Variants in XRCC4 observed in about 807,000 individuals in gnomAD.
XRCC4 encodes X-ray repair cross complementing 4.
A neutral mutation model predicts 39.1 loss-of-function variants in XRCC4; 28 were observed. That is an observed-to-expected ratio of 0.72 (90% confidence interval 0.53 to 0.98). XRCC4 has a LOEUF of 0.98. XRCC4 is among the 50% of genes least tolerant of loss of function. The pLI, the probability that XRCC4 is intolerant of heterozygous loss-of-function variation, is 0.00. For missense variants in XRCC4, 350 were observed against 376.4 expected, an observed-to-expected ratio of 0.93 and a Z score of 0.58; for synonymous variants, 123 against 126.4, an observed-to-expected ratio of 0.97 and a Z score of 0.18.
At chr5:83,322,642 A>G (rs936003372) in intron 7 of XRCC4, among the ~76,000 whole-genome samples, 1 of 152,204 alleles carries the variant, frequency 6.6e-6, no homozygotes, top group African/African-American at 2.4e-5. Context: ...AAATACAATT[A>G]CATAGATCTT....
In XRCC4 at chr5:83,349,779, T is replaced by C. The variant is rs754090547; in HGVS notation, c.894-3352T>C. Among the ~76,000 whole-genome samples the C allele has an allele frequency of 4.6e-5, 7 of 152,222 alleles. No individual in the cohort carries two copies. The East Asian group carries it at 1.3e-3, about 29-fold the overall frequency. Reference sequence around the variant, plus strand: ...TTTTAAATATGATTTCAGCTTTTATTTTAGATACAGGGGGTACATGTGCGG... The same window carrying C: ...TTTTAAATATGATTTCAGCTTTTATCTTAGATACAGGGGGTACATGTGCGG... On this transcript the variant is annotated intron_variant, in intron 7 of 7. Transcript: ENST00000396027.
chr5:83,115,046 A>G (rs539737795), intron 3 of XRCC4, among the ~76,000 whole-genome samples: 6 of 152,106 alleles, frequency 3.9e-5, no homozygotes, highest in Non-Finnish European at 8.8e-5. Flanking sequence ...CATGAGACTT[A>G]TTCACTTTCA....
chr5:83,141,947 A>G (rs1031594194), intron 3 of XRCC4, among the ~76,000 whole-genome samples: 1 of 152,094 alleles, frequency 6.6e-6, no homozygotes, highest in Non-Finnish European at 1.5e-5. Flanking sequence ...TATTCTCTCT[A>G]TATCTTTTAC....
At chr5:83,293,224 T>C (rs1003295151) in intron 7 of XRCC4, among the ~76,000 whole-genome samples, 3 of 151,934 alleles carry the variant, frequency 2.0e-5, no homozygotes, top group Non-Finnish European at 2.9e-5. Context: ...ATTTCTCTTA[T>C]GTATCACCAT....
intron 7 of XRCC4, among the ~76,000 whole-genome samples, chr5:83,339,413 G>A (rs1756688657): frequency 6.6e-6 from 1 of 151,486 alleles, no homozygotes; most frequent in Non-Finnish European, 1.5e-5. Context: ...TCATAAGTGG[G>A]AGTTGAACAA....
rs537866289 is a variant in XRCC4, at chr5:83,348,291, T to A, written c.894-4840T>A. 4.5e-4 allele frequency among the ~76,000 whole-genome samples: 68 copies of A among 152,292 alleles called. 1 individual carries two copies. Among genetic ancestry groups the A allele is most frequent in the Admixed American group, 2.8e-3 (43 of 15,292 alleles). Reference sequence around the variant, plus strand: ...TCTATCCACACTGCCCTAGTAGAGGTTCTCCAAGAGGACTCTACCCCTGCA... The same window carrying A: ...TCTATCCACACTGCCCTAGTAGAGGATCTCCAAGAGGACTCTACCCCTGCA... On this transcript the variant is annotated intron_variant, in intron 7 of 7. Coordinates refer to ENST00000396027, the MANE Select transcript of XRCC4 (RefSeq NM_003401.5).
chr5:83,282,610 A>G (rs35272), intron 7 of XRCC4, among the ~76,000 whole-genome samples: 65,814 of 151,748 alleles, frequency 0.43, 17,130 homozygotes, highest in East Asian at 0.87. Flanking sequence ...TTGGGAGGCC[A>G]AGGCAGGTGG....
chr5:83,158,826 A>C (rs1749077697), intron 3 of XRCC4, among the ~76,000 whole-genome samples: 1 of 152,158 alleles, frequency 6.6e-6, no homozygotes, highest in African/African-American at 2.4e-5. Context: ...TATAAAAAAC[A>C]TTGAAAAAAA....
intron 6 of XRCC4, among the ~76,000 whole-genome samples, chr5:83,236,446 G>T (rs1014367639): frequency 1.3e-5 from 2 of 151,946 alleles, no homozygotes; most frequent in African/African-American, 4.8e-5. Flanking sequence ...GTTTGAAAAG[G>T]TCACCAAGAA....
chr5:83,122,656 T>C (rs771730900), intron 3 of XRCC4, among the ~76,000 whole-genome samples: 13 of 152,292 alleles, frequency 8.5e-5, no homozygotes, highest in Admixed American at 5.2e-4. Context: ...TTTCCTTTTT[T>C]CTGATATACA....
chr5:83,198,701 G>A (rs1475389528), intron 4 of XRCC4, among the ~76,000 whole-genome samples: 1 of 152,140 alleles, frequency 6.6e-6, no homozygotes, highest in Non-Finnish European at 1.5e-5. Context: ...AAACACTTGA[G>A]TGAGGAATGA....
At chr5:83,255,717 GA>G (rs1282634349) in intron 6 of XRCC4, among the ~76,000 whole-genome samples, 1 of 151,774 alleles carries the variant, frequency 6.6e-6, no homozygotes, top group African/African-American at 2.4e-5. Flanking sequence ...CTATAGGTTT[GA>G]AAAAAAATTG....
chr5:83,127,489 C>A (rs1355648321), intron 3 of XRCC4, among the ~76,000 whole-genome samples: 2 of 152,060 alleles, frequency 1.3e-5, no homozygotes, highest in Non-Finnish European at 2.9e-5. Context: ...GTGCCTTTCA[C>A]CTTCTGCCAT....
chr5:83,161,111 ATT>A lies in XRCC4; in HGVS notation c.316-34644_316-34643del, dbSNP rs5869165. ...GGCCACAGTGATTTCAGTTCTTTTA[ATT>A]TTTTTTTTTTTTTTGAGATGGAGTT... On this transcript the variant is annotated intron_variant, in intron 3 of 7. Coordinates refer to ENST00000396027, the MANE Select transcript of XRCC4 (RefSeq NM_003401.5). 5.3e-3 allele frequency among the ~76,000 whole-genome samples: 757 copies of A among 143,066 alleles called. 8 individuals are homozygous for A. The highest frequency in any genetic ancestry group is 0.018 in the African/African-American group (676 of 38,424). The allele number at this position is 143,066 out of a possible 152,430, so 93.9% of individuals were successfully genotyped here.
intron 3 of XRCC4, among the ~76,000 whole-genome samples, chr5:83,192,006 G>A (rs538471089): frequency 2.6e-5 from 4 of 151,996 alleles, no homozygotes; most frequent in South Asian, 2.1e-4. Context: ...AAAGATATCC[G>A]GAATAGACAA....
At chr5:83,220,627 T>G (rs6894172) in intron 6 of XRCC4, among the ~76,000 whole-genome samples, 30,979 of 152,014 alleles carry the variant, frequency 0.2, 7,115 homozygotes, top group African/African-American at 0.57. Flanking sequence ...GTTACAAGTA[T>G]GGTGGCCAGA....
intron 7 of XRCC4, among the ~76,000 whole-genome samples, chr5:83,273,210 G>T (rs901818893): frequency 1.3e-5 from 2 of 152,162 alleles, no homozygotes; most frequent in Admixed American, 6.5e-5. Context: ...TCTGTTGGCT[G>T]CATAAATGTC....
At chr5:83,373,672 G>A in the XRCC4 span, among the ~76,000 whole-genome samples, 2 of 152,126 alleles carry the variant, frequency 1.3e-5, no homozygotes, top group Non-Finnish European at 2.9e-5. Context: ...CAGTGTTGGT[G>A]TGTATTTAAC....
intron 6 of XRCC4, among the ~76,000 whole-genome samples, chr5:83,224,135 T>C (rs1752200796): frequency 6.6e-6 from 1 of 152,114 alleles, no homozygotes; most frequent in Non-Finnish European, 1.5e-5. Context: ...TAGATTATTA[T>C]TGATAGGTAT....
Sources: gnomAD v4.1 joint callset for allele counts (sites outside exome capture counted in the v4.1 genomes callset) on GRCh38, gnomAD v4.1.1 for gene constraint, MANE v1.5 for transcripts, NCBI Gene and HGNC (gene_info 2026-07-23, HGNC 2026-07-21) for gene names.